TMPRSS15: variants seen among roughly 807,000 people sequenced by gnomAD.
TMPRSS15 encodes transmembrane serine protease 15, also known as enteropeptidase.
In TMPRSS15, 128 loss-of-function variants were observed where a neutral mutation model predicts 125.3. That is an observed-to-expected ratio of 1.02 (90% CI 0.89 to 1.18). TMPRSS15 has a LOEUF of 1.18. Among genes scored for constraint, TMPRSS15 ranks in the 50% most tolerant of loss-of-function variants. TMPRSS15 has a pLI of 0.00. For synonymous variants in TMPRSS15, 446 were observed against 423.2 expected (o/e 1.05, Z -0.66); for missense variants, 1,283 against 1,212.7 (o/e 1.06, Z -0.86).
intron 1 of TMPRSS15, among the ~76,000 whole-genome samples, chr21:18,415,370 C>A (rs2076177238): frequency 6.6e-6 from 1 of 152,222 alleles, no homozygotes; most frequent in Non-Finnish European, 1.5e-5. Context: ...AGTCCCACTT[C>A]TCTAGTTTTG....
intron 13 of TMPRSS15, among the ~76,000 whole-genome samples, chr21:18,339,000 T>C (rs2075421309): frequency 6.7e-6 from 1 of 149,868 alleles, no homozygotes; most frequent in African/African-American, 2.4e-5. Context: ...TCTGCTCACA[T>C]TTTTTTTTTC....
chr21:18,479,753 G>T (rs1978946100), intron 1 of TMPRSS15, among the ~76,000 whole-genome samples: 1 of 152,086 alleles, frequency 6.6e-6, no homozygotes, highest in South Asian at 2.1e-4. Context: ...TGCTGGAGAG[G>T]ATGTGGAGAA....
chr21:18,360,298 C>CAT (rs952861255), intron 7 of TMPRSS15, among the ~76,000 whole-genome samples: 3 of 152,058 alleles, frequency 2.0e-5, no homozygotes, highest in East Asian at 1.9e-4. Flanking sequence ...GAGTAATATT[C>CAT]ATATATATAT....
chr21:18,466,682 A>T (rs1381277566), intron 1 of TMPRSS15, among the ~76,000 whole-genome samples: 1 of 152,216 alleles, frequency 6.6e-6, no homozygotes, highest in East Asian at 1.9e-4. Flanking sequence ...ACTGGTCACT[A>T]GAGAAATGCA....
chr21:18,275,271 G>A lies in TMPRSS15; in HGVS notation c.2830C>T (p.Gln944Ter). The change falls in exon 24 of 25, where the codon CAG becomes TAG. Residue 944 changes from glutamine to a stop codon, truncating the protein, a stop_gained. Transcript: ENST00000284885. LOFTEE classifies it high-confidence loss of function. The part of the protein sequence containing the change: ...PLLSNERCQQ[Q>*]MPEYNITENM... Reference sequence around the variant, plus strand: ...TCAGTAATGTTATATTCTGGCATCTGCTGTTGGCATCTCTCATTTGATAGA... The same window carrying A: ...TCAGTAATGTTATATTCTGGCATCTACTGTTGGCATCTCTCATTTGATAGA... 6.2e-7 allele frequency: 1 copy of A among 1,613,956 alleles called. No homozygotes were observed. Among genetic ancestry groups the A allele is most frequent in the Non-Finnish European group, 8.5e-7 (1 of 1,179,922 alleles).
chr21:18,381,102 C>T (rs139535732), intron 4 of TMPRSS15, among the ~76,000 whole-genome samples: 4 of 152,230 alleles, frequency 2.6e-5, no homozygotes, highest in African/African-American at 9.6e-5. Context: ...AAAGGATAGA[C>T]TCACCTATGC....
chr21:18,421,984 CTTTT>C (rs569146471), intron 1 of TMPRSS15, among the ~76,000 whole-genome samples: 1 of 135,154 alleles, frequency 7.4e-6, no homozygotes, highest in Admixed American at 7.5e-5. Context: ...AAGTATTACT[CTTTT>C]TTTTTTTTTT....
At chr21:18,307,204 G>C (rs1362377674) in intron 18 of TMPRSS15, among the ~76,000 whole-genome samples, 1 of 152,170 alleles carries the variant, frequency 6.6e-6, no homozygotes, top group African/African-American at 2.4e-5. Context: ...CAGGCTCAAA[G>C]ATTAAAGTCT....
chr21:18,443,096 A>G (rs2076246319), intron 1 of TMPRSS15, among the ~76,000 whole-genome samples: 1 of 152,212 alleles, frequency 6.6e-6, no homozygotes, highest in Non-Finnish European at 1.5e-5. Context: ...ACAAATTACA[A>G]AGAAATTGGC....
intron 12 of TMPRSS15, among the ~76,000 whole-genome samples, chr21:18,343,035 T>G (rs1025126297): frequency 1.3e-5 from 2 of 152,234 alleles, no homozygotes; most frequent in African/African-American, 4.8e-5. Context: ...TTCCCAATGC[T>G]ACAGCTCATA....
intron 3 of TMPRSS15, among the ~76,000 whole-genome samples, chr21:18,396,804 G>GTCTATCTATCTATCTA (rs67154609): frequency 0.029 from 2,838 of 96,356 alleles, 63 homozygotes; most frequent in African/African-American, 0.04. Context: ...CTGTCTGTCT[G>GTCTATCTATCTATCTA]TCTGTCTATC....
In TMPRSS15 at chr21:18,365,230, C is replaced by G. The variant is rs753603647; in HGVS notation, c.683G>C (p.Arg228Thr). The change falls in exon 7 of 25, where the codon AGA becomes ACA. Residue 228 changes from arginine (R) to threonine (T), a missense_variant. Transcript: ENST00000284885. The stretch of plus-strand genomic sequence containing the variant: ...CCCAGATGATCCAGTTAACAAAAAT[C>G]TTCCATCACAAACTGTGGCTGCAAA... ...NKMCATVCDG[R>T]FLLTGSSGSF... The G allele has an allele frequency of 4.3e-6, 7 of 1,614,084 alleles. No individual in the cohort carries two copies. In the Admixed American group the frequency reaches 1.2e-4, roughly 27 times the overall value.
intron 1 of TMPRSS15, among the ~76,000 whole-genome samples, chr21:18,471,598 A>G (rs1238007051): frequency 6.6e-6 from 1 of 152,170 alleles, no homozygotes; most frequent in East Asian, 1.9e-4. Context: ...TATGTGGGAT[A>G]GACACGGTGT....
chr21:18,334,461 C>G (rs910111768), intron 13 of TMPRSS15, among the ~76,000 whole-genome samples: 5 of 152,084 alleles, frequency 3.3e-5, no homozygotes, highest in African/African-American at 1.2e-4. Flanking sequence ...TTTGTTGGAG[C>G]TGGTGGATGA....
intron 1 of TMPRSS15, among the ~76,000 whole-genome samples, chr21:18,478,322 T>C (rs1243580389): frequency 6.6e-6 from 1 of 152,066 alleles, no homozygotes; most frequent in Non-Finnish European, 1.5e-5. Flanking sequence ...TGTTCGTCCC[T>C]TGCTTTAATT....
intron 6 of TMPRSS15, among the ~76,000 whole-genome samples, chr21:18,369,211 A>G (rs1038186090): frequency 4.6e-5 from 7 of 152,192 alleles, no homozygotes; most frequent in Non-Finnish European, 8.8e-5. Flanking sequence ...CTTAGGACCC[A>G]CGAAGAACTC....
intron 6 of TMPRSS15, among the ~76,000 whole-genome samples, chr21:18,365,614 T>TTCTC (rs199828397): frequency 9.3e-5 from 1 of 10,744 alleles, no homozygotes; most frequent in African/African-American, 1.9e-4. Flanking sequence ...TTCCTTCCTT[T>TTCTC]TCTCTCTTTC....
chr21:18,348,437 T>A (rs2075531935), intron 10 of TMPRSS15, among the ~76,000 whole-genome samples: 1 of 152,096 alleles, frequency 6.6e-6, no homozygotes, highest in African/African-American at 2.4e-5. Context: ...ATCCTAGAAA[T>A]CCCTCTCAAG....
At chr21:18,342,494 T>A (rs62214961) in intron 12 of TMPRSS15, among the ~76,000 whole-genome samples, 34,794 of 152,138 alleles carry the variant, frequency 0.23, 4,098 homozygotes, top group South Asian at 0.25. Flanking sequence ...AGAACTTGAC[T>A]CTCTCGCACC....
Sources: allele counts gnomAD v4.1 joint callset (sites outside exome capture counted in the v4.1 genomes callset), GRCh38; gene constraint gnomAD v4.1.1; transcripts MANE v1.5; gene names NCBI Gene and HGNC (gene_info 2026-07-23, HGNC 2026-07-21).